The following GDAP1L1 variants were observed in gnomAD, a reference collection of about 807,000 sequenced individuals.
The protein encoded by GDAP1L1 is ganglioside induced differentiation associated protein 1 like 1.
GDAP1L1 carries 21 observed loss-of-function variants against 37.1 expected under a neutral mutation model. The observed-to-expected ratio is 0.57, with a 90% CI of 0.40 to 0.81. GDAP1L1 has a LOEUF of 0.81. Among genes scored for constraint, GDAP1L1 ranks in the 40% least tolerant of loss-of-function variants. The probability of loss-of-function intolerance (pLI) is 0.00; values close to 1 mark genes in which losing one functional copy is unlikely to be tolerated. For missense variants in GDAP1L1, 362 were observed against 491.6 expected (o/e 0.74, Z 2.49); for synonymous variants, 193 against 209.1 (o/e 0.92, Z 0.67).
intron 5 of GDAP1L1, among the ~76,000 whole-genome samples, chr20:44,267,650 G>C (rs1301612175): frequency 6.6e-6 from 1 of 151,548 alleles, no homozygotes; most frequent in African/African-American, 2.4e-5. Context: ...GTGATAACAT[G>C]AGTGCCTACG....
chr20:44,254,496 G>C lies in GDAP1L1; in HGVS notation c.181-2657G>C, dbSNP rs138763607. The stretch of plus-strand genomic sequence containing the variant: ...GGAAGCAGAGCCAGCCCTGTCTCCT[G>C]CCTCCTGCAAGGTTGTGAATGTAGT... On this transcript the variant is annotated intron_variant, in intron 1 of 5. Coordinates refer to ENST00000342560, the MANE Select transcript of GDAP1L1 (RefSeq NM_024034.6). Among the ~76,000 whole-genome samples the C allele has an allele frequency of 4.9e-3, 753 of 152,326 alleles. 4 individuals are homozygous for C. The highest frequency in any genetic ancestry group is 0.017 in the African/African-American group (703 of 41,580).
chr20:44,279,734 G>A lies in GDAP1L1; in HGVS notation c.*434G>A, dbSNP rs1290864984. On this transcript the variant is annotated 3_prime_UTR_variant, in exon 6 of 6. Transcript: ENST00000342560. ...CTCTTGCCCAGGGAACTCTTCCACAGGACAAAGCCGACATCAAGACTCAAC... is the reference window on the plus strand; with the variant it reads ...CTCTTGCCCAGGGAACTCTTCCACAAGACAAAGCCGACATCAAGACTCAAC... 6 of 472,724 alleles carry A rather than the reference G, an allele frequency of 1.3e-5. No individual in the cohort carries two copies. Among genetic ancestry groups the A allele is most frequent in the Non-Finnish European group, 2.6e-5 (6 of 228,050 alleles). 29.3% of individuals were successfully genotyped at this position (472,724 alleles called of 1,614,324 possible). A position where few individuals can be genotyped will look rare whatever the true frequency, so the allele number is the denominator to read the frequency against.
intron 1 of GDAP1L1, among the ~76,000 whole-genome samples, chr20:44,247,767 GC>G (rs2073360158): frequency 6.7e-6 from 1 of 148,600 alleles, no homozygotes; most frequent in African/African-American, 2.5e-5. Context: ...CCCAGAAACA[GC>G]CGGTCTGTTG....
chr20:44,266,191 C>G (rs2073759119), intron 5 of GDAP1L1, among the ~76,000 whole-genome samples: 1 of 152,056 alleles, frequency 6.6e-6, no homozygotes, highest in African/African-American at 2.4e-5. Flanking sequence ...TCCTGTAATC[C>G]CAGCTACTCG....
intron 4 of GDAP1L1, among the ~76,000 whole-genome samples, chr20:44,264,067 C>G (rs1016349417): frequency 4.6e-5 from 7 of 152,228 alleles, no homozygotes; most frequent in Middle Eastern, 3.4e-3. Context: ...AAGGGGCCAG[C>G]CTTTTATCCC....
At chr20:44,265,625 A>C (rs2073749886) in intron 5 of GDAP1L1, 1 of 400,428 alleles carries the variant, frequency 2.5e-6, no homozygotes, top group Non-Finnish European at 3.4e-6. Context: ...CTCATCTATA[A>C]GATGGGATGG....
At chr20:44,258,343 G>T in intron 2 of GDAP1L1, 91 bp from the exon 3 acceptor site, 1 of 1,285,750 alleles carries the variant, frequency 7.8e-7, no homozygotes. Flanking sequence ...CCTCTGGGCA[G>T]AGACATCTTG....
chr20:44,247,551 A>G, intron 1 of GDAP1L1, 37 bp downstream of exon 1: 1 of 1,463,610 alleles, frequency 6.8e-7, no homozygotes. Flanking sequence ...GCCGGTGGCC[A>G]GGAAGCTTGG....
intron 5 of GDAP1L1, among the ~76,000 whole-genome samples, chr20:44,277,199 A>G (rs1301234160): frequency 6.6e-6 from 1 of 151,852 alleles, no homozygotes; most frequent in African/African-American, 2.4e-5. Flanking sequence ...TAATTTTTGT[A>G]TTTTTAGTAG....
intron 5 of GDAP1L1, among the ~76,000 whole-genome samples, chr20:44,277,242 C>G (rs1192142165): frequency 6.6e-6 from 1 of 152,162 alleles, no homozygotes; most frequent in Non-Finnish European, 1.5e-5. Flanking sequence ...GCTGGGATTA[C>G]AGGCGTGAGC....
rs542522409 is a variant in GDAP1L1, at chr20:44,258,416, C to T, written c.374-18C>T. 2 of 1,546,818 alleles carry T rather than the reference C, an allele frequency of 1.3e-6. No individual in the cohort carries two copies. Among genetic ancestry groups the T allele is most frequent in the East Asian group, 4.9e-5 (2 of 40,836 alleles). ...TGCCCCTCTGGCTTCCCTGCCCAGC[C>T]CCTGGCGGTGCCCACAGAGCACGTG... On this transcript the variant is annotated intron_variant, in intron 2 of 5. Coordinates refer to ENST00000342560, the MANE Select transcript of GDAP1L1 (RefSeq NM_024034.6).
chr20:44,251,086 C>T (rs187656847), intron 1 of GDAP1L1, among the ~76,000 whole-genome samples: 1 of 152,302 alleles, frequency 6.6e-6, no homozygotes, highest in East Asian at 1.9e-4. Context: ...AGCTGTGTGA[C>T]TGGGCAAGTT....
At chr20:44,258,955 A>C (rs1269304229) in intron 3 of GDAP1L1, among the ~76,000 whole-genome samples, 144 of 105,028 alleles carry the variant, frequency 1.4e-3, no homozygotes, top group Middle Eastern at 5.1e-3. Flanking sequence ...CCTGTCCCCT[A>C]CTCTTGTCCT....
chr20:44,250,235 A>G (rs2145983491), intron 1 of GDAP1L1, among the ~76,000 whole-genome samples: 1 of 152,326 alleles, frequency 6.6e-6, no homozygotes, highest in African/African-American at 2.4e-5. Context: ...GTCCAGGCCC[A>G]GGCTCTATGA....
chr20:44,264,933 T>C (rs1465354261), intron 5 of GDAP1L1: 8 of 1,057,176 alleles, frequency 7.6e-6, no homozygotes, highest in Non-Finnish European at 2.3e-6. Context: ...CTCATAGATG[T>C]CATGGTTAGG....
rs981550928 is a variant in GDAP1L1, at chr20:44,264,574, T to G, written c.760+15T>G. ...GGAGAACGAGGGTGGGTGCCAGCCC[T>G]GGGGGAGGTGGGGGCTGCAGCCCAC... On this transcript the variant is annotated intron_variant, in intron 5 of 5. Coordinates refer to ENST00000342560, the MANE Select transcript of GDAP1L1 (RefSeq NM_024034.6). 1 of 1,606,076 alleles carries G rather than the reference T, an allele frequency of 6.2e-7. No homozygotes were observed. The highest frequency in any genetic ancestry group is 8.5e-7 in the Non-Finnish European group (1 of 1,176,038).
At chr20:44,262,299 A>G (rs2073687084) in intron 3 of GDAP1L1, among the ~76,000 whole-genome samples, 1 of 152,062 alleles carries the variant, frequency 6.6e-6, no homozygotes, top group Non-Finnish European at 1.5e-5. Context: ...GGAGGAGGTT[A>G]AATGTGAAAA....
At chr20:44,257,837 A>G (rs1220852849) in intron 2 of GDAP1L1, among the ~76,000 whole-genome samples, 2 of 151,720 alleles carry the variant, frequency 1.3e-5, no homozygotes, top group Non-Finnish European at 2.9e-5. Flanking sequence ...GAACCCTGAG[A>G]CAGGGGAAGG....
In GDAP1L1 at chr20:44,279,123, T is replaced by G; in HGVS notation, c.927T>G (p.Phe309Leu). 6.2e-7 allele frequency: 1 copy of G among 1,614,182 alleles called. No homozygotes were observed. The highest frequency in any genetic ancestry group is 1.6e-4 in the Middle Eastern group (1 of 6,062). ...QSFFERVQRR[F>L]AFRKVLGDIH... ...TCTTTGAGAGGGTCCAGAGACGCTT[T>G]GCCTTCCGGAAAGTCCTGGGTGACA... Residue 309 changes from phenylalanine (F) to leucine (L), a missense_variant, in exon 6 of 6, where the codon TTT becomes TTG. By Grantham distance (22) the Phe-to-Leu change is conservative (BLOSUM62 0). Around this residue, in one of 2 missense-constraint regions of GDAP1L1, gnomAD observed 85 missense variants for 154.4 expected, o/e 0.55. Transcript: ENST00000342560.
Sources: gnomAD v4.1 joint callset for allele counts (sites outside exome capture counted in the v4.1 genomes callset) on GRCh38, gnomAD v4.1.1 for gene constraint, gnomAD v4.1.1 regional missense constraint, MANE v1.5 for transcripts, NCBI Gene and HGNC (gene_info 2026-07-23, HGNC 2026-07-21) for gene names.